Variants in AK2 observed in about 807,000 individuals in gnomAD.
The protein encoded by AK2 is adenylate kinase 2.
Under a neutral mutation model 24.6 loss-of-function variants are expected in AK2, and 15 were observed. The ratio of observed to expected loss-of-function variants is 0.61; its 90% confidence interval spans 0.41 to 0.94. The LOEUF (loss-of-function observed/expected upper bound fraction) is 0.94. Ranked by LOEUF, AK2 falls within the 40% of genes least tolerant of loss-of-function variation. The probability of loss-of-function intolerance (pLI) is 0.00; values close to 1 mark genes in which losing one functional copy is unlikely to be tolerated. For synonymous variants in AK2, 102 were observed against 114.0 expected (o/e 0.90, Z 0.67); for missense variants, 257 against 304.1 (o/e 0.85, Z 1.15).
At chr1:33,017,415 A>T (rs1447225869) in intron 4 of AK2, among the ~76,000 whole-genome samples, 1 of 152,188 alleles carries the variant, frequency 6.6e-6, no homozygotes, top group Non-Finnish European at 1.5e-5. Flanking sequence ...AGGAGAGAGC[A>T]GGCTGCTGGG....
Position 33,014,516 on chromosome 1 carries a change from ACATACG to A in AK2, c.498_498+5del. 1 of 1,611,452 alleles carries A rather than the reference ACATACG, an allele frequency of 6.2e-7. No homozygotes were observed. The highest frequency in any genetic ancestry group is 8.5e-7 in the Non-Finnish European group (1 of 1,178,042). On this transcript the variant is annotated splice_donor_variant and splice_donor_5th_base_variant and coding_sequence_variant and intron_variant, in exon 5 of 6. Coordinates refer to ENST00000672715, the MANE Select transcript of AK2 (RefSeq NM_001625.4). LOFTEE classifies it high-confidence loss of function. ...AAAGGAAATTTTTTGTCCTGAGTTTACATACGTCATCTTTCATGGGCTCTTTTGGAG... is the reference window on the plus strand; with the variant it reads ...AAAGGAAATTTTTTGTCCTGAGTTTATCATCTTTCATGGGCTCTTTTGGAG...
At chr1:33,024,619 G>A in intron 1 of AK2, 52 bp from the exon 2 acceptor site, 1 of 1,612,166 alleles carries the variant, frequency 6.2e-7, no homozygotes, top group Admixed American at 1.7e-5. Flanking sequence ...AGGCTGTGGA[G>A]TCAGACTGCC....
rs1304706868 is a variant in AK2 at position 33,011,491 on chromosome 1, C to T, written c.*1690G>A. On this transcript the variant is annotated 3_prime_UTR_variant, in exon 6 of 6. Transcript: ENST00000672715. ...GAAGCAAGGTGGCCAGGTACTCATGCCCAGTTGCCATGTGGACAGCAGATA... is the reference window on the plus strand; with the variant it reads ...GAAGCAAGGTGGCCAGGTACTCATGTCCAGTTGCCATGTGGACAGCAGATA... 3.9e-6 allele frequency: 5 copies of T among 1,287,278 alleles called. No homozygotes were observed. Among genetic ancestry groups the T allele is most frequent in the East Asian group, 5.5e-5 (1 of 18,038 alleles). 79.7% of individuals were successfully genotyped at this position (1,287,278 alleles called of 1,614,324 possible).
At position 33,008,470 on chromosome 1, in the gene AK2, C is replaced by T. The variant is rs1464148352; in HGVS notation, c.*4711G>A. 1 of 454,114 alleles carries T rather than the reference C, an allele frequency of 2.2e-6. No homozygotes were observed. The highest frequency in any genetic ancestry group is 1.6e-5 in the South Asian group (1 of 64,480). The allele number at this position is 454,114 out of a possible 1,614,324, so 28.1% of individuals were successfully genotyped here. On this transcript the variant is annotated 3_prime_UTR_variant, in exon 6 of 6. Coordinates refer to ENST00000672715, the MANE Select transcript of AK2 (RefSeq NM_001625.4). ...CCTAGGCCCTCAGAGCCGGCAGTGA[C>T]TTCTTCAAAATCAGTTCCGGCAGCG...
Position 33,013,256 on chromosome 1 carries a change from G to A in AK2, c.645C>T (p.Thr215=). ...GIHSAIDASQ[T]PDVVFASILA... ...GGATGCTTGCGAACACGACATCGGG[G>A]GTCTGGGATGCATCGATGGCGGAGT... The change falls in exon 6 of 6, where the codon ACC becomes ACT. Residue 215 remains threonine, a synonymous_variant. Coordinates refer to ENST00000672715, the MANE Select transcript of AK2 (RefSeq NM_001625.4). The A allele has an allele frequency of 2.5e-6, 4 of 1,613,800 alleles. No individual in the cohort carries two copies. The highest frequency in any genetic ancestry group is 2.5e-6 in the Non-Finnish European group (3 of 1,179,690).
rs200179721 is a variant in AK2, at chr1:33,013,290, C to A, written c.611G>T (p.Arg204Leu). Residue 204 changes from arginine (R) to leucine (L), a missense_variant, in exon 6 of 6, where the codon CGG becomes CTG. Transcript: ENST00000672715. Reference protein sequence around the residue: ...TTPLIEYYRKRGIHSAIDASQ... With the variant: ...TTPLIEYYRKLGIHSAIDASQ... ...TGCATCGATGGCGGAGTGGATCCCC[C>A]GTTTCCTGTAGTACTCTATGAGTGG... is the stretch of plus-strand genomic sequence containing the variant. 6.2e-7 allele frequency: 1 copy of A among 1,614,002 alleles called. No individual in the cohort carries two copies. Among genetic ancestry groups the A allele is most frequent in the Admixed American group, 1.7e-5 (1 of 59,988 alleles).
intron 1 of AK2, among the ~76,000 whole-genome samples, chr1:33,036,365 G>A (rs151151523): frequency 2.7e-3 from 406 of 152,116 alleles, no homozygotes; most frequent in Non-Finnish European, 4.3e-3. Context: ...CCTCCAACTC[G>A]CAGGTAACCT....
chr1:33,030,078 C>A (rs1213782826), intron 1 of AK2, among the ~76,000 whole-genome samples: 1 of 152,248 alleles, frequency 6.6e-6, no homozygotes, highest in Admixed American at 6.5e-5. Flanking sequence ...TCCCAACTTA[C>A]TTCCACAAGT....
chr1:33,016,267 A>G (rs193013181), intron 4 of AK2, among the ~76,000 whole-genome samples: 4 of 152,288 alleles, frequency 2.6e-5, no homozygotes, highest in Non-Finnish European at 5.9e-5. Flanking sequence ...GTTGGAATAC[A>G]GTGGCGCGGT....
chr1:33,011,313 T>C lies in AK2; in HGVS notation c.*1868A>G, dbSNP rs993435755. On this transcript the variant is annotated 3_prime_UTR_variant, in exon 6 of 6. Transcript: ENST00000672715. The stretch of plus-strand genomic sequence containing the variant: ...ACATAGCTGACAGTTTTTGTTTCAC[T>C]CCTCTTCCTTGCCCATTCCCAGAAG... The C allele has an allele frequency of 6.2e-6, 8 of 1,289,388 alleles. No homozygotes were observed. The Admixed American group carries it at 1.8e-4, about 30-fold the overall frequency. The allele number at this position is 1,289,388 out of a possible 1,614,324, so 79.9% of individuals were successfully genotyped here. A position where few individuals can be genotyped will look rare whatever the true frequency, so the allele number is the denominator to read the frequency against.
chr1:33,018,798 C>T (rs960603712), intron 4 of AK2, among the ~76,000 whole-genome samples: 2 of 152,190 alleles, frequency 1.3e-5, no homozygotes, highest in East Asian at 3.8e-4. Context: ...CATAAACAGG[C>T]TCCTAGATGG....
chr1:33,030,668 G>A (rs1640183217), intron 1 of AK2, among the ~76,000 whole-genome samples: 2 of 152,142 alleles, frequency 1.3e-5, no homozygotes, highest in Admixed American at 6.6e-5. Context: ...TTGTTTTACG[G>A]TACTTAGTAT....
At chr1:33,030,471 T>C (rs1302332672) in intron 1 of AK2, among the ~76,000 whole-genome samples, 8 of 152,202 alleles carry the variant, frequency 5.3e-5, no homozygotes, top group Middle Eastern at 3.4e-3. Flanking sequence ...GGAGGACCAT[T>C]TGAGCCCAGG....
At chr1:33,015,299 G>A (rs540693438) in intron 4 of AK2, among the ~76,000 whole-genome samples, 7 of 152,302 alleles carry the variant, frequency 4.6e-5, no homozygotes, top group African/African-American at 1.7e-4. Context: ...GGAATATAGA[G>A]CTCAAGAACA....
At chr1:33,021,045 T>C (rs571077440) in intron 4 of AK2, among the ~76,000 whole-genome samples, 46 of 149,282 alleles carry the variant, frequency 3.1e-4, no homozygotes, top group Non-Finnish European at 5.3e-4. Flanking sequence ...ACTTGGGAGG[T>C]TGAGGTAGGA....
At chr1:33,033,398 G>A (rs1640372298) in intron 1 of AK2, among the ~76,000 whole-genome samples, 1 of 152,082 alleles carries the variant, frequency 6.6e-6, no homozygotes, top group Non-Finnish European at 1.5e-5. Context: ...GCATGCACCT[G>A]TAATCCCAGC....
At chr1:33,035,093 A>G (rs1168850853) in intron 1 of AK2, among the ~76,000 whole-genome samples, 1 of 152,202 alleles carries the variant, frequency 6.6e-6, no homozygotes. Flanking sequence ...ACTCACAGCA[A>G]AAGTCTGCAG....
intron 4 of AK2, among the ~76,000 whole-genome samples, chr1:33,018,471 T>C (rs1478748304): frequency 6.6e-6 from 1 of 152,092 alleles, no homozygotes; most frequent in Non-Finnish European, 1.5e-5. Context: ...AAGATCCATA[T>C]TAAACTGACT....
intron 1 of AK2, among the ~76,000 whole-genome samples, chr1:33,025,307 T>C (rs912954576): frequency 4.0e-5 from 6 of 151,836 alleles, no homozygotes; most frequent in South Asian, 2.1e-4. Context: ...GCACATAACA[T>C]GTGCTGAATA....
Sources: gnomAD v4.1 joint callset for allele counts (sites outside exome capture counted in the v4.1 genomes callset) on GRCh38, gnomAD v4.1.1 for gene constraint, MANE v1.5 for transcripts, NCBI Gene and HGNC (gene_info 2026-07-23, HGNC 2026-07-21) for gene names.